Variants in ASB7 observed in about 807,000 individuals in gnomAD.
ASB7 encodes the protein ankyrin repeat and SOCS box protein 7.
In ASB7, 4 loss-of-function variants were observed where a neutral mutation model predicts 32.5. The observed-to-expected ratio is 0.12, with a 90% CI of 0.06 to 0.28. The LOEUF is 0.28. ASB7 is among the 10% of genes least tolerant of loss of function. ASB7 has a pLI of 1.00. For synonymous variants in ASB7, 172 were observed against 155.6 expected (o/e 1.11, Z -0.78); for missense variants, 181 against 407.1 (o/e 0.44, Z 4.78).
At chr15:100,606,513 T>C (rs1473077023) in intron 2 of ASB7, among the ~76,000 whole-genome samples, 1 of 152,234 alleles carries the variant, frequency 6.6e-6, no homozygotes, top group Non-Finnish European at 1.5e-5. Flanking sequence ...ATATTTTGTT[T>C]TATGTTTATT....
At chr15:100,621,861 TG>T (rs2039795303) in intron 4 of ASB7, among the ~76,000 whole-genome samples, 1 of 148,072 alleles carries the variant, frequency 6.8e-6, no homozygotes, top group African/African-American at 2.5e-5. Flanking sequence ...TCTAGAATGG[TG>T]AAAAAAAGAA....
intron 4 of ASB7, among the ~76,000 whole-genome samples, chr15:100,614,597 TG>T (rs772029213): frequency 1.3e-5 from 2 of 150,908 alleles, no homozygotes; most frequent in South Asian, 4.2e-4. Context: ...AAACCAATGG[TG>T]GGGGGAAAAA....
chr15:100,640,433 C>G (rs2039953894), intron 5 of ASB7, among the ~76,000 whole-genome samples: 1 of 152,160 alleles, frequency 6.6e-6, no homozygotes, highest in Non-Finnish European at 1.5e-5. Flanking sequence ...GCGGGAGCCA[C>G]CATGCCCAGC....
chr15:100,645,063 T>A (rs2039988588), intron 5 of ASB7, among the ~76,000 whole-genome samples: 1 of 152,198 alleles, frequency 6.6e-6, no homozygotes, highest in Admixed American at 6.5e-5. Context: ...CGGTGATCAC[T>A]GTAAGCAAGT....
At chr15:100,634,900 GT>G (rs2039911531) in intron 5 of ASB7, among the ~76,000 whole-genome samples, 1 of 152,342 alleles carries the variant, frequency 6.6e-6, no homozygotes, top group Admixed American at 6.5e-5. Flanking sequence ...CCAGTGGAAG[GT>G]AAGATAGCAG....
In ASB7 at chr15:100,629,344, A is replaced by T; in HGVS notation, c.212-93A>T. 4.4e-6 allele frequency: 5 copies of T among 1,146,352 alleles called. 1 individual carries two copies. In the East Asian group the frequency reaches 7.1e-5, roughly 16 times the overall value. 71.0% of individuals were successfully genotyped at this position (1,146,352 alleles called of 1,614,324 possible). A position where few individuals can be genotyped will look rare whatever the true frequency, so the allele number is the denominator to read the frequency against. On this transcript the variant is annotated intron_variant, in intron 4 of 5. Transcript: ENST00000332783. The surrounding 1 kb of genome is among the most constrained non-coding windows in gnomAD (Gnocchi z 6.8). ...ACAGTGTTTGGTTGCTTCACATTTT[A>T]TATGAGAATTGGCCACAGTTTGCTG...
intron 4 of ASB7, among the ~76,000 whole-genome samples, chr15:100,628,589 G>C (rs2039859872): frequency 6.6e-6 from 1 of 152,108 alleles, no homozygotes; most frequent in African/African-American, 2.4e-5. Context: ...CCCCCAGCCA[G>C]GGATGCCATG....
chr15:100,604,107 C>A (rs983240798), intron 2 of ASB7, among the ~76,000 whole-genome samples: 2 of 152,148 alleles, frequency 1.3e-5, no homozygotes, highest in African/African-American at 2.4e-5. Flanking sequence ...AACAAAGGAA[C>A]CTTTTGGTGT....
In ASB7 at chr15:100,643,477, CTTTTTTTTTTTTTTT is replaced by C. The variant is rs1172063471; in HGVS notation, c.818-4834_818-4820del. Among the ~76,000 whole-genome samples, 62 of 104,402 alleles carry C rather than the reference CTTTTTTTTTTTTTTT, an allele frequency of 5.9e-4. 2 individuals are homozygous for C. The East Asian group carries it at 9.5e-3, about 16-fold the overall frequency. 68.5% of individuals were successfully genotyped at this position (104,402 alleles called of 152,430 possible). A position where few individuals can be genotyped will look rare whatever the true frequency, so the allele number is the denominator to read the frequency against. On this transcript the variant is annotated intron_variant, in intron 5 of 5. Coordinates refer to ENST00000332783, the MANE Select transcript of ASB7 (RefSeq NM_198243.3). ...TAACCTTTTGTCTCAGTCCCTTCTT[CTTTTTTTTTTTTTTT>C]TTTTTTTTTTTGAGGCAGAGGCTGG...
chr15:100,624,690 T>C (rs903819045), intron 4 of ASB7, among the ~76,000 whole-genome samples: 1 of 152,216 alleles, frequency 6.6e-6, no homozygotes, highest in Non-Finnish European at 1.5e-5. Context: ...GGCTTCTCAT[T>C]GAATTATTTC....
chr15:100,643,124 G>T (rs1257099828), intron 5 of ASB7, among the ~76,000 whole-genome samples: 1 of 152,166 alleles, frequency 6.6e-6, no homozygotes, highest in Non-Finnish European at 1.5e-5. Context: ...CTCAGCCAGG[G>T]TTGTCTGTCA....
chr15:100,641,508 G>A (rs1401146100), intron 5 of ASB7, among the ~76,000 whole-genome samples: 2 of 152,196 alleles, frequency 1.3e-5, no homozygotes, highest in Admixed American at 6.5e-5. Flanking sequence ...TGGAGAAACA[G>A]TGTAGTGATA....
rs147515605 is a variant in ASB7, at chr15:100,621,445, T to C, written c.212-7992T>C. 4.2e-3 allele frequency among the ~76,000 whole-genome samples: 638 copies of C among 152,334 alleles called. 2 individuals carry two copies. The highest frequency in any genetic ancestry group is 0.014 in the African/African-American group (574 of 41,578). On this transcript the variant is annotated intron_variant, in intron 4 of 5. Transcript: ENST00000332783. ...GTATGGTTACAGCTATGTATAATTT[T>C]TTAAAAATGTGTAGAAGAAAAGCTG...
At chr15:100,610,987 A>G (rs1177549290) in intron 3 of ASB7, among the ~76,000 whole-genome samples, 2 of 152,206 alleles carry the variant, frequency 1.3e-5, no homozygotes, top group Non-Finnish European at 2.9e-5. Context: ...GTAAGATGCA[A>G]CTTTTTACCA....
chr15:100,638,343 G>A lies in ASB7; in HGVS notation c.817+8301G>A, dbSNP rs2039938770. 3 of 152,208 alleles carry A rather than the reference G, an allele frequency of 2.0e-5. No homozygotes were observed. In the South Asian group the frequency reaches 6.2e-4, roughly 31 times the overall value. 9.4% of individuals were successfully genotyped at this position (152,208 alleles called of 1,614,324 possible). A position where few individuals can be genotyped will look rare whatever the true frequency, so the allele number is the denominator to read the frequency against. On this transcript the variant is annotated intron_variant, in intron 5 of 5. Coordinates refer to ENST00000332783, the MANE Select transcript of ASB7 (RefSeq NM_198243.3). ...CTGCAGAGATCAGTGATTTCCTGAA[G>A]TTTGTTTATAAAACTGGCTGGCTAG...
intron 5 of ASB7, chr15:100,645,912 G>T: frequency 3.0e-6 from 2 of 662,890 alleles, no homozygotes; most frequent in Non-Finnish European, 5.6e-6. Flanking sequence ...CTTCCTTGTG[G>T]CCAGAGAAGG....
chr15:100,604,398 G>A (rs1018461820), intron 2 of ASB7, among the ~76,000 whole-genome samples: 1 of 152,174 alleles, frequency 6.6e-6, no homozygotes, highest in Non-Finnish European at 1.5e-5. Context: ...AAAGTATAAA[G>A]TGACTTGTTA....
intron 4 of ASB7, among the ~76,000 whole-genome samples, chr15:100,621,149 A>G (rs957006815): frequency 6.6e-6 from 1 of 152,250 alleles, no homozygotes; most frequent in Non-Finnish European, 1.5e-5. Context: ...TATGTATTGA[A>G]GTCTTAAAAA....
intron 3 of ASB7, among the ~76,000 whole-genome samples, chr15:100,611,451 G>A (rs1341905697): frequency 7.5e-6 from 1 of 134,048 alleles, no homozygotes; most frequent in Non-Finnish European, 1.6e-5. Flanking sequence ...TTAGTAATTT[G>A]ATCATGTGGT....
Sources: allele counts gnomAD v4.1 joint callset (sites outside exome capture counted in the v4.1 genomes callset), GRCh38; gene constraint gnomAD v4.1.1; non-coding constraint Gnocchi (gnomAD v3.1); transcripts MANE v1.5; gene names NCBI Gene and HGNC (gene_info 2026-07-23, HGNC 2026-07-21).